WDPCP: variants seen among roughly 807,000 people sequenced by gnomAD.
WDPCP encodes the protein WD repeat-containing and planar cell polarity effector protein fritz homolog.
A neutral mutation model predicts 93.1 loss-of-function variants in WDPCP; 71 were observed. The observed-to-expected ratio is 0.76, with a 90% CI of 0.63 to 0.93. The LOEUF is 0.93. Among genes scored for constraint, WDPCP ranks in the 40% least tolerant of loss-of-function variants. The pLI, the probability that WDPCP is intolerant of heterozygous loss-of-function variation, is 0.00. For missense variants in WDPCP, 844 were observed against 887.4 expected, an observed-to-expected ratio of 0.95 and a Z score of 0.62; for synonymous variants, 315 against 315.0, an observed-to-expected ratio of 1.00 and a Z score of 0.00.
chr2:63,839,612 C>T, the WDPCP span, among the ~76,000 whole-genome samples: 2 of 152,220 alleles, frequency 1.3e-5, no homozygotes, highest in Non-Finnish European at 2.9e-5. Context: ...CATTGTCCTT[C>T]ATCTTTTGCA....
At chr2:63,440,019 A>G (rs1001581220) in intron 6 of WDPCP, 148 bp from the exon 7 acceptor site, 1 of 626,700 alleles carries the variant, frequency 1.6e-6, no homozygotes, top group African/African-American at 1.8e-5. Flanking sequence ...TCACTGAAAA[A>G]CAATTACTGA....
intron 17 of WDPCP, among the ~76,000 whole-genome samples, chr2:63,149,147 T>C (rs1263233733): frequency 6.6e-6 from 1 of 151,848 alleles, no homozygotes; most frequent in Non-Finnish European, 1.5e-5. Flanking sequence ...CTAAAATATA[T>C]AAAGACTACT....
In WDPCP at chr2:63,522,455, G is replaced by GACAGAC. The variant is rs578104206; in HGVS notation, c.76-29516_76-29515insGTCTGT. ...GGAAATCAAGACAGACAGACAGACAGACACACACACACACACACACACACA... is the reference window on the plus strand; with the variant it reads ...GGAAATCAAGACAGACAGACAGACAGACAGACACACACACACACACACACACACACA... On this transcript the variant is annotated intron_variant, in intron 1 of 17. Coordinates refer to ENST00000272321, the MANE Select transcript of WDPCP (RefSeq NM_015910.7). Among the ~76,000 whole-genome samples, 289 of 127,292 alleles carry GACAGAC rather than the reference G, an allele frequency of 2.3e-3. 1 individual carries two copies. The highest frequency in any genetic ancestry group is 0.011 in the Middle Eastern group (3 of 262). The allele number at this position is 127,292 out of a possible 152,430, so 83.5% of individuals were successfully genotyped here.
chr2:63,221,669 A>G lies in WDPCP; in HGVS notation c.1915+37638T>C, dbSNP rs753686069. Among the ~76,000 whole-genome samples the G allele has an allele frequency of 2.0e-5, 3 of 152,158 alleles. No homozygotes were observed. The East Asian group carries it at 5.8e-4, about 29-fold the overall frequency. Reference sequence around the variant, plus strand: ...TTAAAAGATACATAGAACCAGGTGTATTGGTAGATAACTTCCCCTCCATTT... The same window carrying G: ...TTAAAAGATACATAGAACCAGGTGTGTTGGTAGATAACTTCCCCTCCATTT... On this transcript the variant is annotated intron_variant, in intron 14 of 17. Coordinates refer to ENST00000272321, the MANE Select transcript of WDPCP (RefSeq NM_015910.7).
At chr2:63,684,366 C>T (rs6723875) in intron 2 of WDPCP, 196,257 of 705,288 alleles carry the variant, frequency 0.28, 28,696 homozygotes, top group Non-Finnish European at 0.3. Context: ...CTACTCTGGA[C>T]GCAAAGCCAT....
At chr2:63,547,885 T>C (rs543695130) in intron 1 of WDPCP, among the ~76,000 whole-genome samples, 2 of 152,086 alleles carry the variant, frequency 1.3e-5, no homozygotes. Flanking sequence ...GTAGAATGAC[T>C]ATACTTAACA....
chr2:63,627,304 T>C (rs1283682301), intron 3 of WDPCP, among the ~76,000 whole-genome samples: 1 of 152,218 alleles, frequency 6.6e-6, no homozygotes, highest in Non-Finnish European at 1.5e-5. Context: ...AGTCAGTGAC[T>C]AGATTAGAGA....
intron 1 of WDPCP, among the ~76,000 whole-genome samples, chr2:63,550,240 C>CG (rs1705505481): frequency 7.3e-6 from 1 of 136,872 alleles, no homozygotes. Context: ...CACACACACA[C>CG]CCTTCCTCTA....
intron 3 of WDPCP, chr2:63,594,683 G>T: frequency 1.2e-6 from 1 of 846,500 alleles, no homozygotes. Context: ...AACAGTGAAG[G>T]AATATGTAAT....
upstream of WDPCP, chr2:63,589,900 T>C (rs2106592142): frequency 6.3e-6 from 1 of 159,410 alleles, no homozygotes; most frequent in South Asian, 1.7e-4. Flanking sequence ...ATACAATGGC[T>C]TGTATTTATA....
chr2:63,762,512 C>T (rs1670070911), intron 2 of WDPCP, among the ~76,000 whole-genome samples: 1 of 152,038 alleles, frequency 6.6e-6, no homozygotes, highest in Non-Finnish European at 1.5e-5. Flanking sequence ...TAACAGAATA[C>T]CTGAAACTGG....
At chr2:63,629,266 G>C (rs574203150) in intron 3 of WDPCP, among the ~76,000 whole-genome samples, 2 of 152,188 alleles carry the variant, frequency 1.3e-5, no homozygotes, top group South Asian at 2.1e-4. Context: ...GAAAAGAACT[G>C]TAACCCCATC....
chr2:63,589,399 G>A, upstream of WDPCP: 4 of 1,548,984 alleles, frequency 2.6e-6, no homozygotes, highest in African/African-American at 1.4e-5. Context: ...GCGATGGGAG[G>A]GAAAGGTTGG....
intron 17 of WDPCP, among the ~76,000 whole-genome samples, chr2:63,134,523 A>C (rs1574685557): frequency 6.6e-6 from 1 of 152,198 alleles, no homozygotes; most frequent in African/African-American, 2.4e-5. Context: ...GTTTTCATAG[A>C]ATGCTGTGTT....
chr2:63,552,099 C>CTTTTTTTTTTT (rs1438245822), intron 1 of WDPCP, among the ~76,000 whole-genome samples: 1 of 117,064 alleles, frequency 8.5e-6, no homozygotes, highest in Non-Finnish European at 1.6e-5. Context: ...GCCCTGCTTT[C>CTTTTTTTTTTT]TTTAAAACAA....
intron 13 of WDPCP, among the ~76,000 whole-genome samples, chr2:63,302,672 TA>T (rs1408840057): frequency 6.6e-6 from 1 of 152,216 alleles, no homozygotes; most frequent in Non-Finnish European, 1.5e-5. Context: ...ATATTCTCTG[TA>T]AAGTTTTAAT....
At chr2:63,564,928 C>T (rs569337169) in intron 1 of WDPCP, among the ~76,000 whole-genome samples, 3 of 152,210 alleles carry the variant, frequency 2.0e-5, no homozygotes, top group East Asian at 3.9e-4. Flanking sequence ...CAGGCGCGTG[C>T]CACCATACCT....
intron 2 of WDPCP, among the ~76,000 whole-genome samples, chr2:63,696,230 A>G (rs1162358364): frequency 6.6e-6 from 1 of 152,096 alleles, no homozygotes; most frequent in Non-Finnish European, 1.5e-5. Context: ...CACCTGAGAG[A>G]CTGTAAGAAC....
chr2:63,650,747 C>T (rs1710099500), exon 3 of WDPCP: 1 of 152,164 alleles, frequency 6.6e-6, no homozygotes, highest in African/African-American at 2.4e-5. Context: ...GACCAGCTGG[C>T]ATGGACTTCA....
Sources: gnomAD v4.1 joint callset for allele counts (sites outside exome capture counted in the v4.1 genomes callset) on GRCh38, gnomAD v4.1.1 for gene constraint, MANE v1.5 for transcripts, NCBI Gene and HGNC (gene_info 2026-07-23, HGNC 2026-07-21) for gene names.